Variants in RARB observed in about 807,000 individuals in gnomAD.
The protein encoded by RARB is retinoic acid receptor beta.
In RARB, 17 loss-of-function variants were observed where a neutral mutation model predicts 51.9. The observed-to-expected ratio is 0.33, with a 90% CI of 0.22 to 0.49. RARB has a LOEUF of 0.49. Ranked by LOEUF, RARB falls within the 20% of genes least tolerant of loss-of-function variation. The probability of loss-of-function intolerance (pLI) is 0.99; values close to 1 mark genes in which losing one functional copy is unlikely to be tolerated. For missense variants in RARB, 369 were observed against 550.8 expected, an observed-to-expected ratio of 0.67 and a Z score of 3.30; for synonymous variants, 215 against 195.4, an observed-to-expected ratio of 1.10 and a Z score of -0.84.
chr3:24,983,040 CA>C (rs1420106899), intron 2 of RARB, among the ~76,000 whole-genome samples: 1 of 152,074 alleles, frequency 6.6e-6, no homozygotes, highest in Non-Finnish European at 1.5e-5. Flanking sequence ...AGAATGTAAC[CA>C]CCAAACAAAT....
chr3:25,007,608 A>AAAAAAAAAAAAAAAAAAAAAT (rs1697303552), intron 2 of RARB, among the ~76,000 whole-genome samples: 1 of 149,226 alleles, frequency 6.7e-6, no homozygotes, highest in East Asian at 1.9e-4. Flanking sequence ...AAAAAAACAA[A>AAAAAAAAAAAAAAAAAAAAAT]AAAACCTCAT....
chr3:25,168,604 A>C (rs2125350237), intron 4 of RARB, among the ~76,000 whole-genome samples: 1 of 152,348 alleles, frequency 6.6e-6, no homozygotes, highest in East Asian at 1.9e-4. Context: ...AAATAAGAAA[A>C]GACAAGAAAA....
chr3:25,235,900 T>C (rs1702291157), intron 5 of RARB, among the ~76,000 whole-genome samples: 1 of 152,216 alleles, frequency 6.6e-6, no homozygotes, highest in South Asian at 2.1e-4. Flanking sequence ...ATTTGAATAC[T>C]AGAGATGTTA....
intron 2 of RARB, among the ~76,000 whole-genome samples, chr3:25,485,546 C>T (rs554470707): frequency 1.3e-5 from 2 of 152,112 alleles, no homozygotes; most frequent in Non-Finnish European, 2.9e-5. Context: ...GTGAGACAAC[C>T]CACTACCTTC....
At chr3:24,886,043 A>G (rs1047846915) in intron 2 of RARB, among the ~76,000 whole-genome samples, 4 of 152,146 alleles carry the variant, frequency 2.6e-5, no homozygotes, top group African/African-American at 7.2e-5. Flanking sequence ...CTCAGCCCAT[A>G]TACTAGGGTT....
chr3:25,300,249 T>A (rs1317560065), intron 5 of RARB, among the ~76,000 whole-genome samples: 1 of 152,222 alleles, frequency 6.6e-6, no homozygotes, highest in Non-Finnish European at 1.5e-5. Context: ...TGTTCAGCAC[T>A]GATGCATAAC....
chr3:25,133,825 C>T (rs573505573), intron 4 of RARB, among the ~76,000 whole-genome samples: 109 of 99,566 alleles, frequency 1.1e-3, no homozygotes, highest in African/African-American at 3.9e-3. Context: ...GTGTGTGACA[C>T]AAGGAGGGGG....
rs1708726298 is a variant in RARB at position 25,442,223 on chromosome 3, C to T, written c.157+13335C>T. Among the ~76,000 whole-genome samples, 3 of 152,162 alleles carry T rather than the reference C, an allele frequency of 2.0e-5. No homozygotes were observed. The South Asian group carries it at 6.2e-4, about 32-fold the overall frequency. Reference sequence around the variant, plus strand: ...CTATCTCGGCTCACTGCAACCTCCGCCTCCCGTGTTCAAGCCATTCTCCTG... The same window carrying T: ...CTATCTCGGCTCACTGCAACCTCCGTCTCCCGTGTTCAAGCCATTCTCCTG... On this transcript the variant is annotated intron_variant, in intron 1 of 7. Transcript: ENST00000330688.
Position 24,937,941 on chromosome 3 carries a change from G to A in RARB, c.-380+79189G>A, listed in dbSNP as rs935932814. Among the ~76,000 whole-genome samples, 4 of 152,108 alleles carry A rather than the reference G, an allele frequency of 2.6e-5. No individual in the cohort carries two copies. In the East Asian group the frequency reaches 5.8e-4, roughly 22 times the overall value. The stretch of plus-strand genomic sequence containing the variant: ...TCTCTGAGCTAAATCTGAGGAGACC[G>A]CACATGAGAAGGGTGACTGTATTTA... On this transcript the variant is annotated intron_variant, in intron 2 of 11. Transcript: ENST00000383772.
At chr3:25,419,130 G>A (rs1347676400) in intron 5 of RARB, among the ~76,000 whole-genome samples, 1 of 151,996 alleles carries the variant, frequency 6.6e-6, no homozygotes, top group Admixed American at 6.6e-5. Context: ...TAATAAGCTG[G>A]GGGGAATTTA....
rs1021575396 is a variant in RARB at position 25,207,283 on chromosome 3, G to A, written c.178+32708G>A. On this transcript the variant is annotated intron_variant, in intron 5 of 11. Transcript: ENST00000383772. ...GAGAAAATCTCTGTGATCCTCCCCT[G>A]TGCCCATCTACCCATTTCAGATCAC... 5.3e-5 allele frequency among the ~76,000 whole-genome samples: 8 copies of A among 152,186 alleles called. No homozygotes were observed. In the East Asian group the frequency reaches 5.8e-4, roughly 11 times the overall value.
intron 5 of RARB, among the ~76,000 whole-genome samples, chr3:25,220,698 T>G (rs1701928522): frequency 1.3e-5 from 2 of 152,224 alleles, no homozygotes; most frequent in South Asian, 4.1e-4. Flanking sequence ...ACCATGATTG[T>G]AAGTTTCCTG....
At chr3:25,427,525 G>T (rs906934131), upstream of RARB, among the ~76,000 whole-genome samples, 3 of 152,170 alleles carry the variant, frequency 2.0e-5, no homozygotes, top group South Asian at 2.1e-4. Flanking sequence ...GTCCAGATCT[G>T]AAATCTCATT....
intron 3 of RARB, among the ~76,000 whole-genome samples, chr3:25,076,569 G>A (rs1313734326): frequency 2.6e-5 from 4 of 152,032 alleles, no homozygotes; most frequent in Non-Finnish European, 5.9e-5. Flanking sequence ...TGCAAAAGTA[G>A]GTTTAAAAAG....
intron 3 of RARB, among the ~76,000 whole-genome samples, chr3:25,503,625 A>C (rs1238564252): frequency 2.0e-5 from 3 of 152,202 alleles, no homozygotes; most frequent in Non-Finnish European, 4.4e-5. Context: ...AAATGGGATC[A>C]TTATGTCCAA....
intron 5 of RARB, among the ~76,000 whole-genome samples, chr3:25,242,794 C>T (rs917255032): frequency 3.3e-5 from 5 of 152,056 alleles, no homozygotes; most frequent in African/African-American, 1.2e-4. Context: ...TATATGGGCT[C>T]TTTTTTGGTT....
chr3:25,046,478 G>C (rs954400508), intron 2 of RARB, among the ~76,000 whole-genome samples: 1 of 152,070 alleles, frequency 6.6e-6, no homozygotes, highest in South Asian at 2.1e-4. Context: ...TTTTGAGACA[G>C]GGTCTCACTC....
At chr3:25,294,317 G>A (rs959476921) in intron 5 of RARB, among the ~76,000 whole-genome samples, 5 of 152,156 alleles carry the variant, frequency 3.3e-5, no homozygotes, top group African/African-American at 1.2e-4. Context: ...TGAACCACAG[G>A]AACTTAACTT....
At chr3:25,081,621 A>ATATATATATATATAT (rs1553631108) in intron 3 of RARB, among the ~76,000 whole-genome samples, 1 of 5,802 alleles carries the variant, frequency 1.7e-4, no homozygotes, top group East Asian at 6.9e-3. Flanking sequence ...ATATATATAT[A>ATATATATATATATAT]TTTTTTTTTT....
Sources: gnomAD v4.1 joint callset for allele counts (sites outside exome capture counted in the v4.1 genomes callset) on GRCh38, gnomAD v4.1.1 for gene constraint, MANE v1.5 for transcripts, NCBI Gene and HGNC (gene_info 2026-07-23, HGNC 2026-07-21) for gene names.